Variants in TMC1 observed in about 807,000 individuals in gnomAD.
TMC1 encodes the protein transmembrane channel-like protein 1.
TMC1 carries 84 observed loss-of-function variants against 105.8 expected under a neutral mutation model. The observed-to-expected ratio is 0.79, with a 90% CI of 0.67 to 0.95. TMC1 has a LOEUF of 0.95. Ranked by LOEUF, TMC1 falls within the 40% of genes least tolerant of loss-of-function variation. The probability of loss-of-function intolerance (pLI) is 0.00; values close to 1 mark genes in which losing one functional copy is unlikely to be tolerated. For synonymous variants in TMC1, 315 were observed against 311.5 expected (o/e 1.01, Z -0.12); for missense variants, 817 against 914.1 (o/e 0.89, Z 1.37).
chr9:72,734,030 A>G (rs896489389), intron 8 of TMC1, among the ~76,000 whole-genome samples: 8 of 152,196 alleles, frequency 5.3e-5, no homozygotes, highest in Non-Finnish European at 1.0e-4. Flanking sequence ...TCAATCTGAG[A>G]ACCCAGAGGG....
intron 4 of TMC1, among the ~76,000 whole-genome samples, chr9:72,640,880 C>G (rs978054266): frequency 6.6e-6 from 1 of 152,112 alleles, no homozygotes; most frequent in Non-Finnish European, 1.5e-5. Flanking sequence ...ATCCACCCGC[C>G]TCGGCCTCCC....
Position 72,789,135 on chromosome 9 carries a change from G to A in TMC1, c.1042G>A (p.Glu348Lys). ...ITMNFKEAIT[E>K]EKAAQVEENV... ...TTCATGGATACAGGAAGCTATCACA[G>A]AAGAAAAAGCAGCCCAAGTAGAAGA... Residue 348 changes from glutamate to lysine, a missense_variant, in exon 15 of 24, where the codon GAA (glutamate) becomes AAA (lysine). Transcript: ENST00000297784. 1 of 1,612,592 alleles carries A rather than the reference G, an allele frequency of 6.2e-7. No homozygotes were observed. Among genetic ancestry groups the A allele is most frequent in the South Asian group, 1.1e-5 (1 of 91,008 alleles).
At chr9:72,725,869 T>A (rs1200750221) in intron 8 of TMC1, among the ~76,000 whole-genome samples, 1 of 152,098 alleles carries the variant, frequency 6.6e-6, no homozygotes, top group Non-Finnish European at 1.5e-5. Context: ...TTTTTGTATT[T>A]TTAGTAGAGA....
At chr9:72,531,153 A>G (rs924986443) in intron 1 of TMC1, among the ~76,000 whole-genome samples, 6 of 152,134 alleles carry the variant, frequency 3.9e-5, no homozygotes, top group African/African-American at 1.4e-4. Context: ...CATAATTTTT[A>G]ACCTTGAGTT....
At chr9:72,535,774 C>A (rs1054894491) in intron 1 of TMC1, among the ~76,000 whole-genome samples, 1 of 152,106 alleles carries the variant, frequency 6.6e-6, no homozygotes, top group East Asian at 1.9e-4. Flanking sequence ...GTAAGCGGAG[C>A]CTTCATGTGT....
At chr9:72,763,085 CTTTTTTTTTTTT>C (rs148498655) in intron 12 of TMC1, among the ~76,000 whole-genome samples, 1 of 109,514 alleles carries the variant, frequency 9.1e-6, no homozygotes, top group Non-Finnish European at 1.9e-5. Flanking sequence ...CTAGCGATGC[CTTTTTTTTTTTT>C]TTTTTTTTTT....
At chr9:72,827,034 G>T (rs1345150185) in intron 21 of TMC1, 40 bp downstream of exon 21, 1 of 1,613,238 alleles carries the variant, frequency 6.2e-7, no homozygotes, top group Non-Finnish European at 8.5e-7. Context: ...CCTCTGTGAT[G>T]TTCTTCCTGG....
intron 5 of TMC1, among the ~76,000 whole-genome samples, chr9:72,673,976 A>G (rs1230928349): frequency 6.6e-6 from 1 of 152,190 alleles, no homozygotes; most frequent in Non-Finnish European, 1.5e-5. Flanking sequence ...AAACAAAACT[A>G]CAGACCACTG....
At chr9:72,699,214 A>C (rs1826601176) in intron 7 of TMC1, among the ~76,000 whole-genome samples, 1 of 152,100 alleles carries the variant, frequency 6.6e-6, no homozygotes. Flanking sequence ...GTTTCCTTTG[A>C]GTTCTGGACC....
intron 17 of TMC1, among the ~76,000 whole-genome samples, chr9:72,800,222 T>C (rs1226929861): frequency 6.6e-6 from 1 of 152,188 alleles, no homozygotes; most frequent in Non-Finnish European, 1.5e-5. Flanking sequence ...TGAAGTCTGG[T>C]TGTGGTGCTT....
chr9:72,710,599 C>G (rs1826818540), intron 8 of TMC1, among the ~76,000 whole-genome samples: 1 of 151,988 alleles, frequency 6.6e-6, no homozygotes, highest in Non-Finnish European at 1.5e-5. Context: ...TTTAGTGTCC[C>G]TCTTTGTATT....
chr9:72,538,565 T>C (rs1823625162), intron 1 of TMC1, among the ~76,000 whole-genome samples: 1 of 152,132 alleles, frequency 6.6e-6, no homozygotes, highest in Non-Finnish European at 1.5e-5. Flanking sequence ...GCCTCCTATG[T>C]AGCTGGGATT....
chr9:72,736,310 A>G (rs1827296789), intron 8 of TMC1, among the ~76,000 whole-genome samples: 4 of 152,212 alleles, frequency 2.6e-5, no homozygotes, highest in Admixed American at 2.6e-4. Context: ...AGGGTTTTAT[A>G]TTATTAACTG....
At chr9:72,605,061 A>C (rs531831311) in intron 2 of TMC1, among the ~76,000 whole-genome samples, 1 of 152,352 alleles carries the variant, frequency 6.6e-6, no homozygotes, top group South Asian at 2.1e-4. Context: ...CGAATGAAAA[A>C]ATAAACCTTA....
At chr9:72,567,676 C>G (rs981059127) in intron 1 of TMC1, among the ~76,000 whole-genome samples, 2 of 152,278 alleles carry the variant, frequency 1.3e-5, no homozygotes, top group African/African-American at 4.8e-5. Flanking sequence ...CCGATTGCCT[C>G]TACCTGGTTC....
rs876657728 is a variant in TMC1, at chr9:72,805,491, G to A, written c.1676G>A (p.Trp559Ter). ...FVRFCNYCWC[W>*]DLEYGYPSYT... Reference sequence around the variant, plus strand: ...AGGTTTTGCAATTATTGCTGGTGCTGGGACTTGGAGTATGGATATGTAAGT... The same window carrying A: ...AGGTTTTGCAATTATTGCTGGTGCTAGGACTTGGAGTATGGATATGTAAGT... Residue 559 changes from tryptophan (W) to a stop codon, truncating the protein, a stop_gained, in exon 18 of 24, where the codon TGG (tryptophan) becomes TAG (stop). Transcript: ENST00000297784. LOFTEE classifies it high-confidence loss of function. The A allele has an allele frequency of 1.1e-5, 17 of 1,613,042 alleles. No homozygotes were observed. The highest frequency in any genetic ancestry group is 1.7e-5 in the Admixed American group (1 of 59,944).
intron 5 of TMC1, among the ~76,000 whole-genome samples, chr9:72,654,790 G>GT (rs943592379): frequency 4.3e-4 from 63 of 145,378 alleles, no homozygotes; most frequent in Middle Eastern, 3.6e-3. Flanking sequence ...CATTTTTATT[G>GT]TTTTTTTTTT....
At chr9:72,669,178 A>G (rs1663752) in intron 5 of TMC1, among the ~76,000 whole-genome samples, 85,126 of 151,924 alleles carry the variant, frequency 0.56, 25,191 homozygotes, top group African/African-American at 0.77. Context: ...AGGTGGCGGC[A>G]GGCGCCTGTA....
intron 5 of TMC1, among the ~76,000 whole-genome samples, chr9:72,677,637 A>G (rs1013379142): frequency 6.6e-6 from 1 of 152,178 alleles, no homozygotes; most frequent in Non-Finnish European, 1.5e-5. Flanking sequence ...TCCTTAGACT[A>G]TGACTCAGAT....
Sources: gnomAD v4.1 joint callset for allele counts (sites outside exome capture counted in the v4.1 genomes callset) on GRCh38, gnomAD v4.1.1 for gene constraint, MANE v1.5 for transcripts, NCBI Gene and HGNC (gene_info 2026-07-23, HGNC 2026-07-21) for gene names.